Variants in MOB3B observed in about 807,000 individuals in gnomAD.
MOB3B encodes the protein MOB kinase activator-like 2B.
In MOB3B, 7 loss-of-function variants were observed where a neutral mutation model predicts 18.7. The observed-to-expected ratio is 0.37, with a 90% confidence interval of 0.21 to 0.70. MOB3B has a LOEUF of 0.70. Ranked by LOEUF, MOB3B falls within the 30% of genes least tolerant of loss-of-function variation. The probability of loss-of-function intolerance (pLI) is 0.52; values close to 1 mark genes in which losing one functional copy is unlikely to be tolerated. For synonymous variants in MOB3B, 111 were observed against 99.9 expected (o/e 1.11, Z -0.66); for missense variants, 253 against 281.3 (o/e 0.90, Z 0.72).
At chr9:27,428,790 G>C (rs1822375514) in intron 2 of MOB3B, among the ~76,000 whole-genome samples, 1 of 152,214 alleles carries the variant, frequency 6.6e-6, no homozygotes, top group South Asian at 2.1e-4. Context: ...AGGGGACCAT[G>C]TGGGCTGGAA....
intron 1 of MOB3B, among the ~76,000 whole-genome samples, chr9:27,488,066 T>C (rs982040405): frequency 6.6e-6 from 1 of 152,220 alleles, no homozygotes; most frequent in Non-Finnish European, 1.5e-5. Flanking sequence ...GTGACCATCA[T>C]GATGATTATT....
chr9:27,413,959 C>T (rs962480124), intron 2 of MOB3B, among the ~76,000 whole-genome samples: 13 of 152,124 alleles, frequency 8.5e-5, no homozygotes, highest in Non-Finnish European at 1.3e-4. Context: ...GAACAGAAGG[C>T]GAGTGCTGGA....
intron 1 of MOB3B, among the ~76,000 whole-genome samples, chr9:27,481,983 G>A (rs1177375318): frequency 1.3e-5 from 2 of 151,900 alleles, no homozygotes; most frequent in East Asian, 1.9e-4. Context: ...CTGAAAAAAG[G>A]AAATAAAATG....
At chr9:27,463,601 G>A (rs1465229586) in intron 1 of MOB3B, among the ~76,000 whole-genome samples, 2 of 152,108 alleles carry the variant, frequency 1.3e-5, no homozygotes, top group African/African-American at 4.8e-5. Context: ...TCAAATTCTG[G>A]CAATGACTTT....
chr9:27,366,307 G>A (rs578064627), intron 2 of MOB3B, among the ~76,000 whole-genome samples: 1 of 152,262 alleles, frequency 6.6e-6, no homozygotes, highest in Admixed American at 6.5e-5. Flanking sequence ...ATGCAGATTT[G>A]CCTTTCATCT....
chr9:27,453,412 C>T (rs1338085360), intron 2 of MOB3B, among the ~76,000 whole-genome samples: 1 of 152,136 alleles, frequency 6.6e-6, no homozygotes, highest in Non-Finnish European at 1.5e-5. Context: ...AGCACGTTCC[C>T]TAAGCATACT....
intron 2 of MOB3B, among the ~76,000 whole-genome samples, chr9:27,445,139 G>A (rs117048867): frequency 5.6e-4 from 86 of 152,310 alleles, no homozygotes; most frequent in Non-Finnish European, 7.9e-4. Context: ...TAATAAATCA[G>A]AGGTTTTTCC....
intron 3 of MOB3B, among the ~76,000 whole-genome samples, chr9:27,337,454 C>T (rs1820880580): frequency 6.6e-6 from 1 of 152,212 alleles, no homozygotes; most frequent in Non-Finnish European, 1.5e-5. Flanking sequence ...CAAGGTTTCA[C>T]GGCCCCCTCC....
In MOB3B at chr9:27,357,144, A is replaced by ATATATATATATGTG. The variant is rs1486801059; in HGVS notation, c.621+1889_621+1890insCACATATATATATA. ...CAAATATATATATATATATATATAT[A>ATATATATATATGTG]TGTGTTTTTTTTTTTGCCATATATT... On this transcript the variant is annotated intron_variant, in intron 3 of 3. Transcript: ENST00000262244. Among the ~76,000 whole-genome samples the ATATATATATATGTG allele has an allele frequency of 1.1e-3, 87 of 80,962 alleles. 1 individual carries two copies. Among genetic ancestry groups the ATATATATATATGTG allele is most frequent in the African/African-American group, 3.3e-3 (80 of 23,986 alleles). The allele number at this position is 80,962 out of a possible 152,430, so 53.1% of individuals were successfully genotyped here. A position where few individuals can be genotyped will look rare whatever the true frequency, so the allele number is the denominator to read the frequency against.
At chr9:27,526,725 G>A (rs1465697949) in intron 1 of MOB3B, among the ~76,000 whole-genome samples, 4 of 152,108 alleles carry the variant, frequency 2.6e-5, no homozygotes, top group African/African-American at 9.7e-5. Flanking sequence ...AAAGGCAAGG[G>A]CACAAACTGA....
rs148900289 is a variant in MOB3B at position 27,454,809 on chromosome 9, C to T, written c.418+324G>A. Among the ~76,000 whole-genome samples, 690 of 152,168 alleles carry T rather than the reference C, an allele frequency of 4.5e-3. 4 individuals are homozygous for T. Among genetic ancestry groups the T allele is most frequent in the African/African-American group, 0.016 (650 of 41,516 alleles). On this transcript the variant is annotated intron_variant, in intron 2 of 3. Transcript: ENST00000262244. The stretch of plus-strand genomic sequence containing the variant: ...AGTCCATGTAACTTTAGTCAGTTAA[C>T]CAAAAAATAATAATCTTATCAAGAT...
chr9:27,434,356 G>A (rs1822462751), intron 2 of MOB3B, among the ~76,000 whole-genome samples: 2 of 151,932 alleles, frequency 1.3e-5, no homozygotes, highest in African/African-American at 4.8e-5. Flanking sequence ...TTAACTCTCT[G>A]ACTTCTCCTC....
intron 2 of MOB3B, among the ~76,000 whole-genome samples, chr9:27,454,103 G>A (rs535524895): frequency 2.0e-5 from 3 of 152,270 alleles, no homozygotes; most frequent in Non-Finnish European, 2.9e-5. Context: ...TACATACTGC[G>A]TCAATCAATG....
At chr9:27,484,961 C>G (rs762892915) in intron 1 of MOB3B, among the ~76,000 whole-genome samples, 1 of 152,124 alleles carries the variant, frequency 6.6e-6, no homozygotes, top group Non-Finnish European at 1.5e-5. Context: ...TGACTCCCAG[C>G]CTTTAACCCT....
At chr9:27,503,202 G>A in intron 1 of MOB3B, among the ~76,000 whole-genome samples, 1 of 152,100 alleles carries the variant, frequency 6.6e-6, no homozygotes, top group East Asian at 1.9e-4. Flanking sequence ...AGGAGGGAAA[G>A]GGAAGGACTG....
chr9:27,340,796 C>T (rs1019689448), intron 3 of MOB3B, among the ~76,000 whole-genome samples: 1 of 152,218 alleles, frequency 6.6e-6, no homozygotes, highest in Non-Finnish European at 1.5e-5. Context: ...GGCTGCTGCT[C>T]CCCGCTCCTT....
chr9:27,330,640 G>A lies in MOB3B; in HGVS notation c.622-24C>T, dbSNP rs375985284. The A allele has an allele frequency of 3.7e-6, 6 of 1,613,948 alleles. No individual in the cohort carries two copies. In the Admixed American group the frequency reaches 8.3e-5, roughly 22 times the overall value. ...TTCTGGAAAGCAAGGGGAAAAGGAT[G>A]GTTAGGAGAAACTATAAGCAGAGCA... is the stretch of plus-strand genomic sequence containing the variant. On this transcript the variant is annotated intron_variant, in intron 3 of 3. Transcript: ENST00000262244.
chr9:27,434,265 C>G (rs1414200060), intron 2 of MOB3B, among the ~76,000 whole-genome samples: 1 of 152,138 alleles, frequency 6.6e-6, no homozygotes, highest in Non-Finnish European at 1.5e-5. Context: ...CTGCCCTTGT[C>G]TTACTTAATC....
At chr9:27,519,140 C>T (rs574891253) in intron 1 of MOB3B, among the ~76,000 whole-genome samples, 2 of 152,252 alleles carry the variant, frequency 1.3e-5, no homozygotes, top group East Asian at 3.9e-4. Flanking sequence ...TGACTTTGTC[C>T]TCTCCATATC....
Sources: allele counts gnomAD v4.1 joint callset (sites outside exome capture counted in the v4.1 genomes callset), GRCh38; gene constraint gnomAD v4.1.1; transcripts MANE v1.5; gene names NCBI Gene and HGNC (gene_info 2026-07-23, HGNC 2026-07-21).